The following TBX20 variants were observed in gnomAD, a reference collection of about 807,000 sequenced individuals.
TBX20 encodes the protein T-box transcription factor 20.
TBX20 carries 8 observed loss-of-function variants against 42.9 expected under a neutral mutation model. That is an observed-to-expected ratio of 0.19 (90% CI 0.11 to 0.34). TBX20 has a LOEUF of 0.34. TBX20 is among the 10% of genes least tolerant of loss of function. The pLI is 1.00. For synonymous variants in TBX20, 198 were observed against 222.8 expected (o/e 0.89, Z 0.99); for missense variants, 411 against 566.0 (o/e 0.73, Z 2.78).
At chr7:35,224,482 G>T (rs1279350148) in intron 6 of TBX20, among the ~76,000 whole-genome samples, 3 of 152,226 alleles carry the variant, frequency 2.0e-5, no homozygotes, top group Non-Finnish European at 4.4e-5. Flanking sequence ...AGACCAGACT[G>T]ACCAACATGG....
chr7:35,245,319 G>GGTGTGTGTGTGTGT (rs61706700), intron 3 of TBX20, among the ~76,000 whole-genome samples: 18,146 of 146,294 alleles, frequency 0.12, 1,239 homozygotes, highest in South Asian at 0.27. Flanking sequence ...TGTTTAAAGG[G>GGTGTGTGTGTGTGT]GTGTGTGTGT....
At chr7:35,227,257 T>G (rs1376872876) in intron 6 of TBX20, among the ~76,000 whole-genome samples, 1 of 152,182 alleles carries the variant, frequency 6.6e-6, no homozygotes, top group Non-Finnish European at 1.5e-5. Context: ...TAAGCTAAGG[T>G]TAATTTATTC....
intron 5 of TBX20, among the ~76,000 whole-genome samples, chr7:35,236,263 T>G (rs950946551): frequency 6.6e-6 from 1 of 151,184 alleles, no homozygotes; most frequent in African/African-American, 2.4e-5. Flanking sequence ...TTAAGATATA[T>G]GAAAGTGGTC....
chr7:35,242,453 A>C (rs1790101902), intron 4 of TBX20, among the ~76,000 whole-genome samples: 1 of 152,232 alleles, frequency 6.6e-6, no homozygotes. Context: ...CAAATACTTG[A>C]ATAAAGTTGA....
chr7:35,222,934 A>G (rs1374493401), intron 6 of TBX20, among the ~76,000 whole-genome samples: 1 of 152,238 alleles, frequency 6.6e-6, no homozygotes, highest in Non-Finnish European at 1.5e-5. Context: ...TGATTGCTGT[A>G]TTGAATAAAA....
rs1447902386 is a variant in TBX20, at chr7:35,246,538, G to A, written c.546-1481C>T. On this transcript the variant is annotated intron_variant, in intron 3 of 7. Coordinates refer to ENST00000408931, the MANE Select transcript of TBX20 (RefSeq NM_001077653.2). ...AAATATTAATGTAATTAAATATTAT[G>A]TACTTTAAAGAAAAGGAGATGTCCT... Among the ~76,000 whole-genome samples, 14 of 152,096 alleles carry A rather than the reference G, an allele frequency of 9.2e-5. 1 individual carries two copies. The highest frequency in any genetic ancestry group is 1.5e-5 in the Non-Finnish European group (1 of 68,010).
At chr7:35,242,406 C>T (rs116739730) in intron 4 of TBX20, among the ~76,000 whole-genome samples, 251 of 152,206 alleles carry the variant, frequency 1.6e-3, no homozygotes, top group African/African-American at 5.6e-3. Context: ...TTGCATAATA[C>T]ATTTATTCAA....
At chr7:35,252,565 A>G (rs1790326625) in intron 1 of TBX20, among the ~76,000 whole-genome samples, 1 of 151,994 alleles carries the variant, frequency 6.6e-6, no homozygotes, top group South Asian at 2.1e-4. Flanking sequence ...TGTGGGAAGG[A>G]CAGAGAGAAG....
At chr7:35,214,999 A>G (rs1218202126) in intron 6 of TBX20, among the ~76,000 whole-genome samples, 1 of 152,214 alleles carries the variant, frequency 6.6e-6, no homozygotes, top group Admixed American at 6.6e-5. Context: ...TTTTTTAAAA[A>G]AAGAGTGTAA....
At chr7:35,206,377 G>C (rs182672384) in intron 6 of TBX20, among the ~76,000 whole-genome samples, 1 of 152,110 alleles carries the variant, frequency 6.6e-6, no homozygotes, top group Non-Finnish European at 1.5e-5. Context: ...GCAAAACCCT[G>C]TCTCTATTAA....
chr7:35,214,046 G>C (rs1292053164), intron 6 of TBX20, among the ~76,000 whole-genome samples: 1 of 152,026 alleles, frequency 6.6e-6, no homozygotes, highest in African/African-American at 2.4e-5. Flanking sequence ...ATAACAATAA[G>C]AAGTATTACT....
intron 3 of TBX20, 130 bp from the exon 4 acceptor site, chr7:35,245,187 C>T (rs1790158150): frequency 1.5e-6 from 1 of 661,518 alleles, no homozygotes; most frequent in Admixed American, 2.4e-5. Flanking sequence ...CCCTATATAC[C>T]TCAAATTTAT....
At chr7:35,248,633 G>A (rs781310959) in intron 3 of TBX20, 44 bp downstream of exon 3, 2 of 1,600,820 alleles carry the variant, frequency 1.2e-6, no homozygotes, top group Non-Finnish European at 1.7e-6. Flanking sequence ...CATTCTGACA[G>A]ATGCACTAAC....
chr7:35,248,453 AACG>A (rs1253450241), intron 3 of TBX20, among the ~76,000 whole-genome samples: 2 of 152,204 alleles, frequency 1.3e-5, no homozygotes, highest in African/African-American at 4.8e-5. Context: ...ATTACTGCCT[AACG>A]AAACATAAAC....
chr7:35,208,260 C>T (rs1789433269), intron 6 of TBX20, among the ~76,000 whole-genome samples: 1 of 152,042 alleles, frequency 6.6e-6, no homozygotes, highest in Admixed American at 6.6e-5. Flanking sequence ...GTATATTGAT[C>T]TTGTATTCTG....
Position 35,253,487 on chromosome 7 carries a change from A to C in TBX20, c.127+7T>G. The C allele has an allele frequency of 6.2e-7, 1 of 1,609,074 alleles. No homozygotes were observed. The highest frequency in any genetic ancestry group is 1.7e-5 in the Admixed American group (1 of 59,732). The stretch of plus-strand genomic sequence containing the variant: ...TCCTCGGCGGACAGCCGGGTAGCCC[A>C]ACTTACCCAGGGGTTTGATTGTGTT... On this transcript the variant is annotated splice_region_variant and intron_variant, in intron 1 of 7. Transcript: ENST00000408931.
At chr7:35,241,844 A>G (rs1790089071) in intron 4 of TBX20, among the ~76,000 whole-genome samples, 1 of 152,194 alleles carries the variant, frequency 6.6e-6, no homozygotes, top group African/African-American at 2.4e-5. Context: ...TCTTTTAAAT[A>G]AAATATAAAA....
At chr7:35,205,629 A>G (rs191113338) in intron 6 of TBX20, among the ~76,000 whole-genome samples, 1 of 152,366 alleles carries the variant, frequency 6.6e-6, no homozygotes, top group Admixed American at 6.5e-5. Context: ...TCACATAAAT[A>G]TGCAAACTTT....
chr7:35,231,692 T>C, intron 5 of TBX20, 112 bp from the exon 6 acceptor site: 1 of 766,358 alleles, frequency 1.3e-6, no homozygotes, highest in Non-Finnish European at 2.3e-6. Context: ...TGTTTCTCAG[T>C]GTCCTGAGAA....
Sources: allele counts gnomAD v4.1 joint callset (sites outside exome capture counted in the v4.1 genomes callset), GRCh38; gene constraint gnomAD v4.1.1; transcripts MANE v1.5; gene names NCBI Gene and HGNC (gene_info 2026-07-23, HGNC 2026-07-21).